SAMD5: variants seen among roughly 807,000 people sequenced by gnomAD.
SAMD5 encodes sterile alpha motif domain-containing protein 5.
In SAMD5, 13 loss-of-function variants were observed where a neutral mutation model predicts 11.3. That is an observed-to-expected ratio of 1.15 (90% CI 0.75 to 1.83). The LOEUF (loss-of-function observed/expected upper bound fraction) is 1.83. SAMD5 is among the 40% of genes most tolerant of loss of function. The pLI is 0.00. For missense variants in SAMD5, 255 were observed against 239.1 expected (o/e 1.07, Z -0.44); for synonymous variants, 129 against 111.3 (o/e 1.16, Z -1.00).
At chr6:147,927,281 CT>C in the SAMD5 span, among the ~76,000 whole-genome samples, 744 of 152,232 alleles carry the variant, frequency 4.9e-3, 7 homozygotes, top group Middle Eastern at 0.014. Flanking sequence ...GATATTAATT[CT>C]TCCTACCCAT....
chr6:147,766,470 A>C, the SAMD5 span, among the ~76,000 whole-genome samples: 3 of 152,228 alleles, frequency 2.0e-5, no homozygotes, highest in Non-Finnish European at 4.4e-5. Context: ...TACCCAAAGA[A>C]AAGAGTATCA....
At chr6:147,712,884 T>C (rs1583149612) in intron 1 of SAMD5, among the ~76,000 whole-genome samples, 1 of 152,090 alleles carries the variant, frequency 6.6e-6, no homozygotes, top group South Asian at 2.1e-4. Context: ...ATAATCCTAC[T>C]CATACAAAAA....
At chr6:147,730,576 T>A (rs1791699484) in intron 1 of SAMD5, among the ~76,000 whole-genome samples, 1 of 152,166 alleles carries the variant, frequency 6.6e-6, no homozygotes, top group Non-Finnish European at 1.5e-5. Flanking sequence ...GCATTTGGGA[T>A]GTCTAACTTT....
At chr6:147,788,411 G>C in the SAMD5 span, among the ~76,000 whole-genome samples, 2 of 152,110 alleles carry the variant, frequency 1.3e-5, no homozygotes, top group African/African-American at 4.8e-5. Context: ...AGAGAAAATT[G>C]AAAGTAGGCT....
the SAMD5 span, among the ~76,000 whole-genome samples, chr6:147,950,441 G>T: frequency 6.6e-6 from 1 of 152,152 alleles, no homozygotes; most frequent in Non-Finnish European, 1.5e-5. Context: ...GTTTGTGCGT[G>T]GCATTCAGAC....
chr6:147,669,857 T>C (rs1454119431), intron 1 of SAMD5, among the ~76,000 whole-genome samples: 1 of 152,174 alleles, frequency 6.6e-6, no homozygotes, highest in Non-Finnish European at 1.5e-5. Flanking sequence ...AAACTCTTGT[T>C]TATGTTGATA....
chr6:147,821,974 TAAAA>T, the SAMD5 span, among the ~76,000 whole-genome samples: 3 of 152,200 alleles, frequency 2.0e-5, no homozygotes, highest in South Asian at 4.2e-4. Context: ...TTTTTAAAGT[TAAAA>T]AAGAAAAAAT....
chr6:147,793,448 G>A, the SAMD5 span, among the ~76,000 whole-genome samples: 1 of 151,954 alleles, frequency 6.6e-6, no homozygotes, highest in Non-Finnish European at 1.5e-5. Flanking sequence ...AACAGCAAAA[G>A]GACATTAAAT....
chr6:147,826,298 T>C, the SAMD5 span, among the ~76,000 whole-genome samples: 4 of 152,194 alleles, frequency 2.6e-5, no homozygotes, highest in Non-Finnish European at 5.9e-5. Flanking sequence ...TTTAGCCTCT[T>C]TTCCTTCTCT....
In SAMD5 at chr6:147,509,229, G is replaced by C. The variant is rs1788043753; in HGVS notation, c.301G>C (p.Gly101Arg). 7.2e-7 allele frequency: 1 copy of C among 1,393,830 alleles called. No homozygotes were observed. Among genetic ancestry groups the C allele is most frequent in the Non-Finnish European group, 9.4e-7 (1 of 1,068,018 alleles). 86.3% of individuals were successfully genotyped at this position (1,393,830 alleles called of 1,614,324 possible). A position where few individuals can be genotyped will look rare whatever the true frequency, so the allele number is the denominator to read the frequency against. ...PTGRRGEPCG[G>R]PAQGTRGDSR... ...CGGCCGCCGGGGGGAGCCGTGCGGC[G>C]GCCCGGCCCAGGGCACCCGCGGGGA... The change falls in exon 1 of 2, where the codon GGC (glycine) becomes CGC (arginine). Residue 101 changes from glycine to arginine, a missense_variant. Transcript: ENST00000367474.
the SAMD5 span, among the ~76,000 whole-genome samples, chr6:147,937,840 T>C: frequency 6.6e-6 from 1 of 152,280 alleles, no homozygotes; most frequent in Admixed American, 6.5e-5. Context: ...CTAAGACTTA[T>C]CTCAGGTGCT....
At chr6:147,798,956 G>A in the SAMD5 span, among the ~76,000 whole-genome samples, 5 of 152,142 alleles carry the variant, frequency 3.3e-5, no homozygotes, top group African/African-American at 7.2e-5. Context: ...TTGAGCCTAT[G>A]TGTGTCTCTA....
the SAMD5 span, among the ~76,000 whole-genome samples, chr6:147,889,758 A>G: frequency 6.6e-6 from 1 of 152,230 alleles, no homozygotes; most frequent in Admixed American, 6.5e-5. Context: ...TGTGGACTCC[A>G]GGCATTTGTT....
chr6:147,887,685 A>T, the SAMD5 span, among the ~76,000 whole-genome samples: 1 of 152,188 alleles, frequency 6.6e-6, no homozygotes, highest in Non-Finnish European at 1.5e-5. Flanking sequence ...TCTTTTGGGT[A>T]GACACCTAGG....
the SAMD5 span, among the ~76,000 whole-genome samples, chr6:147,752,171 A>G: frequency 1.3e-5 from 2 of 152,148 alleles, no homozygotes; most frequent in African/African-American, 4.8e-5. Flanking sequence ...TTGTTCTTGA[A>G]GTCTGAATTT....
At chr6:147,562,560 C>T (rs372205147) in intron 1 of SAMD5, among the ~76,000 whole-genome samples, 3 of 152,202 alleles carry the variant, frequency 2.0e-5, no homozygotes, top group South Asian at 4.1e-4. Context: ...TGGTGGCTCA[C>T]GCCTGTAATC....
chr6:147,710,821 C>T (rs922508940), intron 1 of SAMD5, among the ~76,000 whole-genome samples: 5 of 151,574 alleles, frequency 3.3e-5, no homozygotes, highest in Non-Finnish European at 7.4e-5. Flanking sequence ...ATGTATCCCC[C>T]CTGGATAAGG....
At chr6:147,744,058 G>C in the SAMD5 span, among the ~76,000 whole-genome samples, 1 of 152,148 alleles carries the variant, frequency 6.6e-6, no homozygotes, top group African/African-American at 2.4e-5. Flanking sequence ...CTAATGTATG[G>C]AATAGTCAAA....
the SAMD5 span, among the ~76,000 whole-genome samples, chr6:147,784,752 A>T: frequency 6.6e-6 from 1 of 152,338 alleles, no homozygotes; most frequent in East Asian, 1.9e-4. Context: ...AGATTGAAGG[A>T]AATTGGTAAT....
Sources: gnomAD v4.1 joint callset for allele counts (sites outside exome capture counted in the v4.1 genomes callset) on GRCh38, gnomAD v4.1.1 for gene constraint, MANE v1.5 for transcripts, NCBI Gene and HGNC (gene_info 2026-07-23, HGNC 2026-07-21) for gene names.